RYR2: variants seen among roughly 807,000 people sequenced by gnomAD.
The protein encoded by RYR2 is cardiac muscle ryanodine receptor-calcium release channel.
In RYR2, 227 loss-of-function variants were observed where a neutral mutation model predicts 601.1. The ratio of observed to expected loss-of-function variants is 0.38; its 90% confidence interval spans 0.34 to 0.42. The LOEUF (loss-of-function observed/expected upper bound fraction) is 0.42, where lower values mean the gene tolerates loss of function less well. Among genes scored for constraint, RYR2 ranks in the 10% least tolerant of loss-of-function variants. The pLI, the probability that RYR2 is intolerant of heterozygous loss-of-function variation, is 1.00. For missense variants in RYR2, 4,646 were observed against 6,156.5 expected (o/e 0.75, Z 8.21); for synonymous variants, 2,223 against 2,175.1 (o/e 1.02, Z -0.61).
At chr1:237,072,947 C>CAA (rs34070186) in intron 1 of RYR2, among the ~76,000 whole-genome samples, 1,072 of 103,792 alleles carry the variant, frequency 0.01, 20 homozygotes, top group African/African-American at 0.017. Context: ...GACTCCATCT[C>CAA]AAAAAAAAAA....
intron 12 of RYR2, among the ~76,000 whole-genome samples, chr1:237,436,291 AG>A (rs1707342990): frequency 6.6e-6 from 1 of 151,598 alleles, no homozygotes; most frequent in South Asian, 2.1e-4. Flanking sequence ...GGGGTGTTAG[AG>A]GGCTGTTATT....
In RYR2 at chr1:237,588,135, A is replaced by T. The variant is rs572724508; in HGVS notation, c.3599-1658A>T. Among the ~76,000 whole-genome samples the T allele has an allele frequency of 3.3e-5, 5 of 151,978 alleles. No homozygotes were observed. The East Asian group carries it at 9.7e-4, about 29-fold the overall frequency. On this transcript the variant is annotated intron_variant, in intron 29 of 104. Coordinates refer to ENST00000366574, the MANE Select transcript of RYR2 (RefSeq NM_001035.3). ...TGTCACAGCTGCAGATACAGCTGCA[A>T]TTTTTTTTAGTTTTAACTAGAAACT...
intron 94 of RYR2, 113 bp from the exon 95 acceptor site, chr1:237,793,754 C>A: frequency 2.5e-6 from 2 of 796,994 alleles, no homozygotes; most frequent in Non-Finnish European, 4.1e-6. Context: ...TTTTTACCTT[C>A]CTAGAAGTAC....
chr1:237,184,805 T>A (rs753554178), intron 1 of RYR2, among the ~76,000 whole-genome samples: 5 of 152,138 alleles, frequency 3.3e-5, no homozygotes, highest in Non-Finnish European at 7.4e-5. Context: ...GAACTTACTA[T>A]GGTCTTGCTG....
At chr1:237,680,145 T>C (rs1375310920) in intron 61 of RYR2, among the ~76,000 whole-genome samples, 3 of 152,216 alleles carry the variant, frequency 2.0e-5, no homozygotes, top group Non-Finnish European at 1.5e-5. Context: ...ATGGTAGTTA[T>C]GGATTATTTT....
intron 1 of RYR2, among the ~76,000 whole-genome samples, chr1:237,153,978 G>A (rs1675024182): frequency 6.6e-6 from 1 of 152,110 alleles, no homozygotes; most frequent in Admixed American, 6.6e-5. Context: ...AGATTTAAAG[G>A]GTGGATGACC....
intron 1 of RYR2, among the ~76,000 whole-genome samples, chr1:237,060,187 T>C (rs780506959): frequency 6.6e-6 from 1 of 152,182 alleles, no homozygotes; most frequent in African/African-American, 2.4e-5. Context: ...GAAATACAAA[T>C]TATATATAAA....
At chr1:237,821,995 G>A (rs2102859037) in intron 101 of RYR2, among the ~76,000 whole-genome samples, 1 of 152,058 alleles carries the variant, frequency 6.6e-6, no homozygotes, top group South Asian at 2.1e-4. Flanking sequence ...GAAAAGAAAT[G>A]AACAAAGCCT....
chr1:237,053,645 C>T (rs548118592), intron 1 of RYR2, among the ~76,000 whole-genome samples: 13 of 152,360 alleles, frequency 8.5e-5, no homozygotes, highest in African/African-American at 2.2e-4. Context: ...CTGCCTGCTA[C>T]GTGCCATGCT....
chr1:237,819,113 T>A lies in RYR2; in HGVS notation c.14511T>A (p.Asp4837Glu). 6.2e-7 allele frequency: 1 copy of A among 1,613,748 alleles called. No homozygotes were observed. Among genetic ancestry groups the A allele is most frequent in the South Asian group, 1.1e-5 (1 of 91,088 alleles). ...IGDEIEDPAG[D>E]EYEIYRIIFD... ...ATGAAATCGAAGACCCAGCAGGAGATGAATATGAGATCTATCGAATCATCT... is the reference window on the plus strand; with the variant it reads ...ATGAAATCGAAGACCCAGCAGGAGAAGAATATGAGATCTATCGAATCATCT... Residue 4837 changes from aspartate (D) to glutamate (E), a missense_variant, in exon 101 of 105, where the codon GAT becomes GAA. Coordinates refer to ENST00000366574, the MANE Select transcript of RYR2 (RefSeq NM_001035.3). The surrounding 1 kb of genome is among the most constrained non-coding windows in gnomAD (Gnocchi z 4.0).
intron 1 of RYR2, among the ~76,000 whole-genome samples, chr1:237,058,442 A>G (rs554102108): frequency 1.3e-5 from 2 of 152,336 alleles, no homozygotes; most frequent in Admixed American, 1.3e-4. Flanking sequence ...CTGTCTTTCA[A>G]AAAAATCTAA....
chr1:237,247,996 G>A (rs1029732844), intron 1 of RYR2, among the ~76,000 whole-genome samples: 5 of 152,132 alleles, frequency 3.3e-5, no homozygotes, highest in Admixed American at 2.0e-4. Flanking sequence ...TACATTGGCC[G>A]GGCACGGTGG....
At position 237,345,467 on chromosome 1, in the gene RYR2, T is replaced by TA. The variant is rs1332928390; in HGVS notation, c.274-10492dup. 1.9e-4 allele frequency among the ~76,000 whole-genome samples: 28 copies of TA among 144,046 alleles called. 1 individual carries two copies. Among genetic ancestry groups the TA allele is most frequent in the East Asian group, 1.1e-3 (5 of 4,586 alleles). 94.5% of individuals were successfully genotyped at this position (144,046 alleles called of 152,430 possible). ...AGAGACTCTGCCAAAAAATAAAAAA[T>TA]AAAAAATAAAAAATAAAAAAAAATA... is the stretch of plus-strand genomic sequence containing the variant. On this transcript the variant is annotated intron_variant, in intron 3 of 104. Coordinates refer to ENST00000366574, the MANE Select transcript of RYR2 (RefSeq NM_001035.3).
chr1:237,589,650 T>C (rs1674927652), intron 29 of RYR2, 143 bp from the exon 30 acceptor site: 6 of 676,682 alleles, frequency 8.9e-6, no homozygotes, highest in Non-Finnish European at 1.5e-5. Context: ...TTTAATGTCA[T>C]TGTTCCCTTT....
intron 62 of RYR2, among the ~76,000 whole-genome samples, chr1:237,686,442 C>T (rs555092850): frequency 8.7e-4 from 132 of 152,230 alleles, no homozygotes; most frequent in African/African-American, 2.9e-3. Context: ...GATGTCAGAA[C>T]GCTGACCTAC....
intron 1 of RYR2, among the ~76,000 whole-genome samples, chr1:237,105,101 G>T (rs916397270): frequency 8.5e-5 from 13 of 152,184 alleles, no homozygotes; most frequent in Admixed American, 3.3e-4. Flanking sequence ...GAGTCTCAGT[G>T]CCGGCAAACA....
intron 2 of RYR2, among the ~76,000 whole-genome samples, chr1:237,290,918 G>A (rs1692120821): frequency 6.6e-6 from 1 of 152,170 alleles, no homozygotes. Context: ...TATAAGGAAT[G>A]CACAAATTAA....
intron 2 of RYR2, among the ~76,000 whole-genome samples, chr1:237,280,228 G>A (rs143732710): frequency 3.9e-4 from 60 of 151,996 alleles, no homozygotes; most frequent in African/African-American, 1.2e-3. Context: ...TAAAAATGTC[G>A]GTATAAGATA....
intron 79 of RYR2, among the ~76,000 whole-genome samples, chr1:237,741,688 G>A (rs527970792): frequency 4.6e-5 from 7 of 152,172 alleles, no homozygotes; most frequent in South Asian, 4.1e-4. Flanking sequence ...TGCAGCCTCC[G>A]CCTCCTGGGT....
Sources: allele counts gnomAD v4.1 joint callset (sites outside exome capture counted in the v4.1 genomes callset), GRCh38; gene constraint gnomAD v4.1.1; non-coding constraint Gnocchi (gnomAD v3.1); transcripts MANE v1.5; gene names NCBI Gene and HGNC (gene_info 2026-07-23, HGNC 2026-07-21).